Variants in CLVS1 observed in about 807,000 individuals in gnomAD.
CLVS1 encodes clavesin 1, also known as clavesin-1.
Under a neutral mutation model 33.1 loss-of-function variants are expected in CLVS1, and 10 were observed. The observed-to-expected ratio is 0.30, with a 90% CI of 0.19 to 0.51. The LOEUF is 0.51. Ranked by LOEUF, CLVS1 falls within the 20% of genes least tolerant of loss-of-function variation. CLVS1 has a pLI of 0.97. For missense variants in CLVS1, 343 were observed against 433.4 expected (o/e 0.79, Z 1.85); for synonymous variants, 163 against 166.1 (o/e 0.98, Z 0.14).
At chr8:60,988,228 G>A in the CLVS1 span, among the ~76,000 whole-genome samples, 5 of 152,208 alleles carry the variant, frequency 3.3e-5, no homozygotes, top group African/African-American at 1.2e-4. Context: ...ACCCTGTAGA[G>A]ACTGGGGGGT....
the CLVS1 span, among the ~76,000 whole-genome samples, chr8:60,975,792 A>G: frequency 6.6e-6 from 1 of 152,168 alleles, no homozygotes; most frequent in African/African-American, 2.4e-5. Flanking sequence ...TATAATATTT[A>G]AGAAATAATT....
chr8:61,356,717 A>C (rs1453277438), intron 2 of CLVS1, among the ~76,000 whole-genome samples: 1 of 152,198 alleles, frequency 6.6e-6, no homozygotes, highest in African/African-American at 2.4e-5. Context: ...CAAAAGTCAG[A>C]TAGTTGTAGA....
intron 1 of CLVS1, among the ~76,000 whole-genome samples, chr8:61,126,258 C>T (rs1424008579): frequency 1.3e-5 from 2 of 152,190 alleles, no homozygotes; most frequent in Non-Finnish European, 2.9e-5. Context: ...TCCCACCCAG[C>T]TCTCACCCCA....
intron 2 of CLVS1, among the ~76,000 whole-genome samples, chr8:61,353,061 AC>A (rs1418163317): frequency 6.6e-6 from 1 of 152,054 alleles, no homozygotes; most frequent in Non-Finnish European, 1.5e-5. Context: ...GTCTCACAAT[AC>A]ATACAGCAAA....
intron 3 of CLVS1, among the ~76,000 whole-genome samples, chr8:61,385,565 G>A (rs1218279020): frequency 6.6e-6 from 1 of 152,200 alleles, no homozygotes; most frequent in Non-Finnish European, 1.5e-5. Flanking sequence ...AAAAAAAGAG[G>A]AGAGGAGGGC....
At chr8:61,491,103 G>T (rs1302710750) in intron 5 of CLVS1, among the ~76,000 whole-genome samples, 1 of 152,174 alleles carries the variant, frequency 6.6e-6, no homozygotes, top group Non-Finnish European at 1.5e-5. Flanking sequence ...GGAAGTTAAA[G>T]CAAATGTTGA....
chr8:61,041,655 A>T, the CLVS1 span, among the ~76,000 whole-genome samples: 4 of 151,858 alleles, frequency 2.6e-5, no homozygotes, highest in Non-Finnish European at 4.4e-5. Flanking sequence ...TATAAATGCT[A>T]CTCTGTGCTC....
chr8:61,119,058 G>T (rs1805802328), intron 1 of CLVS1, among the ~76,000 whole-genome samples: 4 of 152,192 alleles, frequency 2.6e-5, no homozygotes, highest in Admixed American at 2.6e-4. Context: ...GGGTGCTCCT[G>T]TATTGGGTGC....
chr8:61,444,211 G>A (rs1396615631), intron 3 of CLVS1, among the ~76,000 whole-genome samples: 2 of 152,110 alleles, frequency 1.3e-5, no homozygotes, highest in Middle Eastern at 3.4e-3. Flanking sequence ...TAATCTGTAA[G>A]CATTTTGGTT....
chr8:61,304,576 T>C (rs556287710), intron 2 of CLVS1, among the ~76,000 whole-genome samples: 2 of 152,326 alleles, frequency 1.3e-5, no homozygotes, highest in East Asian at 1.9e-4. Flanking sequence ...TAGGGGACAC[T>C]GCTGGTCGAT....
At chr8:61,078,069 A>C (rs1804956732) in intron 1 of CLVS1, among the ~76,000 whole-genome samples, 1 of 152,168 alleles carries the variant, frequency 6.6e-6, no homozygotes, top group Non-Finnish European at 1.5e-5. Flanking sequence ...TGAAGTTTTA[A>C]ACAGAGCCCC....
intron 2 of CLVS1, among the ~76,000 whole-genome samples, chr8:61,199,345 G>C (rs1160283295): frequency 1.3e-5 from 2 of 152,050 alleles, no homozygotes; most frequent in African/African-American, 4.8e-5. Context: ...GAAGATATTT[G>C]CCAACTATAT....
intron 2 of CLVS1, among the ~76,000 whole-genome samples, chr8:61,258,170 AT>A (rs1809126437): frequency 6.6e-6 from 1 of 152,174 alleles, no homozygotes; most frequent in Non-Finnish European, 1.5e-5. Context: ...GGCAAATCTC[AT>A]TTTAATAGCA....
At chr8:61,230,383 C>T (rs1439058372) in intron 2 of CLVS1, among the ~76,000 whole-genome samples, 8 of 152,170 alleles carry the variant, frequency 5.3e-5, no homozygotes, top group African/African-American at 1.9e-4. Context: ...GGGCCCGTGA[C>T]TAACCTCTCT....
the CLVS1 span, among the ~76,000 whole-genome samples, chr8:61,037,584 C>T: frequency 6.6e-6 from 1 of 152,180 alleles, no homozygotes; most frequent in South Asian, 2.1e-4. Flanking sequence ...AATAGTGCTG[C>T]CATGAATGTG....
At chr8:61,420,831 T>C (rs1024202612) in intron 3 of CLVS1, among the ~76,000 whole-genome samples, 1 of 150,942 alleles carries the variant, frequency 6.6e-6, no homozygotes, top group Non-Finnish European at 1.5e-5. Context: ...TAGCTGGGCA[T>C]GGTGGCGGGC....
At chr8:61,152,099 A>G (rs997648379) in intron 2 of CLVS1, among the ~76,000 whole-genome samples, 1 of 152,188 alleles carries the variant, frequency 6.6e-6, no homozygotes, top group Non-Finnish European at 1.5e-5. Flanking sequence ...GCTACAACAA[A>G]TTACCATAGG....
intron 1 of CLVS1, among the ~76,000 whole-genome samples, chr8:61,289,697 C>T (rs559735195): frequency 6.6e-6 from 1 of 152,282 alleles, no homozygotes; most frequent in African/African-American, 2.4e-5. Flanking sequence ...CATTGCAGCA[C>T]GTTTCATCTA....
chr8:61,406,019 A>G (rs1179020329), intron 3 of CLVS1, among the ~76,000 whole-genome samples: 2 of 152,234 alleles, frequency 1.3e-5, no homozygotes, highest in African/African-American at 2.4e-5. Context: ...GGTGCCTGAC[A>G]TGTATTAACA....
Sources: gnomAD v4.1 joint callset for allele counts (sites outside exome capture counted in the v4.1 genomes callset) on GRCh38, gnomAD v4.1.1 for gene constraint, MANE v1.5 for transcripts, NCBI Gene and HGNC (gene_info 2026-07-23, HGNC 2026-07-21) for gene names.